The following NBEA variants were observed in gnomAD, a reference collection of about 807,000 sequenced individuals.
NBEA encodes neurobeachin, also known as lysosomal-trafficking regulator 2.
NBEA carries 44 observed loss-of-function variants against 343.4 expected under a neutral mutation model. That is an observed-to-expected ratio of 0.13 (90% CI 0.10 to 0.16). The LOEUF is 0.16. Ranked by LOEUF, NBEA falls within the 10% of genes least tolerant of loss-of-function variation. NBEA has a pLI of 1.00. For synonymous variants in NBEA, 1,175 were observed against 1,238.7 expected, an observed-to-expected ratio of 0.95 and a Z score of 1.08; for missense variants, 2,555 against 3,631.3, an observed-to-expected ratio of 0.70 and a Z score of 7.62.
chr13:34,950,169 C>A (rs2059306495), intron 1 of NBEA, among the ~76,000 whole-genome samples: 1 of 152,118 alleles, frequency 6.6e-6, no homozygotes, highest in Admixed American at 6.5e-5. Flanking sequence ...CCAACAGTAA[C>A]TGGTATTGGT....
rs556236761 is a variant in NBEA at position 34,987,421 on chromosome 13, T to A, written c.294+44307T>A. Reference sequence around the variant, plus strand: ...ACCCGACCTTTCTCTCTGGCTGCCCTTAACATTTTTTCCTTCTTTTCAACC... The same window carrying A: ...ACCCGACCTTTCTCTCTGGCTGCCCATAACATTTTTTCCTTCTTTTCAACC... On this transcript the variant is annotated intron_variant, in intron 1 of 58. Coordinates refer to ENST00000379939, the MANE Select transcript of NBEA (RefSeq NM_001385012.1). 1.6e-4 allele frequency among the ~76,000 whole-genome samples: 24 copies of A among 150,942 alleles called. 1 individual carries two copies. The highest frequency in any genetic ancestry group is 2.8e-4 in the Non-Finnish European group (19 of 67,470).
intron 38 of NBEA, among the ~76,000 whole-genome samples, chr13:35,430,003 G>C (rs907807455): frequency 5.9e-5 from 9 of 152,068 alleles, no homozygotes; most frequent in African/African-American, 2.2e-4. Context: ...TGGATCAAAT[G>C]GTAGCTCTAC....
At chr13:35,415,553 G>A (rs951182304) in intron 38 of NBEA, among the ~76,000 whole-genome samples, 6 of 152,070 alleles carry the variant, frequency 3.9e-5, no homozygotes, top group Non-Finnish European at 8.8e-5. Context: ...TAGATGTATG[G>A]TATTATTTCC....
chr13:35,543,868 C>T (rs2078945048), intron 41 of NBEA, among the ~76,000 whole-genome samples: 1 of 152,142 alleles, frequency 6.6e-6, no homozygotes, highest in Non-Finnish European at 1.5e-5. Flanking sequence ...CAGCAGGTAT[C>T]AGTCAGACAT....
chr13:35,277,994 G>A (rs2034749266), intron 34 of NBEA, among the ~76,000 whole-genome samples: 2 of 151,504 alleles, frequency 1.3e-5, no homozygotes, highest in South Asian at 2.1e-4. Flanking sequence ...GGCTGAGGCA[G>A]GAGAATTGCT....
intron 1 of NBEA, among the ~76,000 whole-genome samples, chr13:34,965,753 C>T (rs1241365590): frequency 6.6e-6 from 1 of 151,870 alleles, no homozygotes; most frequent in Admixed American, 6.6e-5. Flanking sequence ...TCCTGGATGA[C>T]AAGGGGTGGG....
intron 18 of NBEA, among the ~76,000 whole-genome samples, chr13:35,144,066 AT>A (rs1436897594): frequency 6.6e-6 from 1 of 152,160 alleles, no homozygotes; most frequent in African/African-American, 2.4e-5. Context: ...GATGTGTTCA[AT>A]TATATGAAAT....
intron 46 of NBEA, chr13:35,593,067 G>C: frequency 3.0e-6 from 1 of 335,778 alleles, no homozygotes; most frequent in East Asian, 5.1e-5. Flanking sequence ...TCAGAAAATC[G>C]TAGAGCACTG....
chr13:35,630,634 G>A (rs2083408392), intron 49 of NBEA, among the ~76,000 whole-genome samples: 1 of 152,082 alleles, frequency 6.6e-6, no homozygotes, highest in Non-Finnish European at 1.5e-5. Context: ...ACTGTGAAAT[G>A]TTATGTTCTT....
chr13:35,117,229 GTCAAAAAT>G (rs542156218), intron 13 of NBEA, among the ~76,000 whole-genome samples, 177 bp from the exon 14 acceptor site: 6 of 151,510 alleles, frequency 4.0e-5, no homozygotes, highest in Admixed American at 3.3e-4. Flanking sequence ...ATTTGAAATT[GTCAAAAAT>G]TTGAAAGTTA....
At chr13:35,196,369 A>G in intron 31 of NBEA, 67 bp downstream of exon 31, 1 of 1,397,346 alleles carries the variant, frequency 7.2e-7, no homozygotes, top group Non-Finnish European at 9.6e-7. Flanking sequence ...TGTTAATTTT[A>G]AAATATAAGG....
intron 4 of NBEA, among the ~76,000 whole-genome samples, chr13:35,046,707 G>GTCTCCCTGCCTCCCCTCCTTCTTTGTC (rs1422944287): frequency 2.6e-5 from 4 of 152,020 alleles, no homozygotes; most frequent in African/African-American, 9.7e-5. Context: ...TGAGTGTTGT[G>GTCTCCCTGCCTCCCCTCCTTCTTTGTC]TCTCCCTGCC....
chr13:35,083,434 A>T (rs1566257061), intron 10 of NBEA, among the ~76,000 whole-genome samples: 2 of 152,164 alleles, frequency 1.3e-5, no homozygotes, highest in African/African-American at 4.8e-5. Context: ...TACAAGCCAG[A>T]AGAGAGTGGG....
At chr13:35,346,386 T>G (rs909879873) in intron 36 of NBEA, among the ~76,000 whole-genome samples, 1 of 152,142 alleles carries the variant, frequency 6.6e-6, no homozygotes, top group Non-Finnish European at 1.5e-5. Flanking sequence ...CTACAAAATG[T>G]AGGCTGATAA....
intron 44 of NBEA, among the ~76,000 whole-genome samples, chr13:35,565,062 G>A (rs9544663): frequency 0.55 from 82,986 of 151,964 alleles, 23,182 homozygotes; most frequent in East Asian, 0.85. Context: ...TATATCAGGT[G>A]TAATAGAGGT....
intron 8 of NBEA, among the ~76,000 whole-genome samples, chr13:35,061,783 C>T (rs1246702473): frequency 1.3e-5 from 2 of 151,664 alleles, no homozygotes; most frequent in Non-Finnish European, 3.0e-5. Flanking sequence ...CTGATCTTCT[C>T]ACAAATAACC....
At position 34,942,643 on chromosome 13, in the gene NBEA, G is replaced by C. The variant is rs1425486527; in HGVS notation, c.-178G>C. 2.8e-6 allele frequency: 1 copy of C among 359,596 alleles called. No individual in the cohort carries two copies. The highest frequency in any genetic ancestry group is 4.8e-6 in the Non-Finnish European group (1 of 207,076). 22.3% of individuals were successfully genotyped at this position (359,596 alleles called of 1,614,324 possible). ...CCTGCGGATCCCCCGCCGCCTCCGC[G>C]GGGGAGAGCGCCGGAGCGGGCCGGG... On this transcript the variant is annotated 5_prime_UTR_variant, in exon 1 of 59. Transcript: ENST00000379939.
At chr13:35,510,122 G>A (rs961061237) in intron 41 of NBEA, among the ~76,000 whole-genome samples, 1 of 152,118 alleles carries the variant, frequency 6.6e-6, no homozygotes, top group African/African-American at 2.4e-5. Context: ...TGTATCAGAG[G>A]TGACTCCAGA....
At chr13:35,473,221 G>T (rs2075730921) in intron 41 of NBEA, among the ~76,000 whole-genome samples, 2 of 152,088 alleles carry the variant, frequency 1.3e-5, no homozygotes, top group African/African-American at 4.8e-5. Flanking sequence ...CTCTTTCTCA[G>T]CATTTTCTGA....
Sources: gnomAD v4.1 joint callset for allele counts (sites outside exome capture counted in the v4.1 genomes callset) on GRCh38, gnomAD v4.1.1 for gene constraint, MANE v1.5 for transcripts, NCBI Gene and HGNC (gene_info 2026-07-23, HGNC 2026-07-21) for gene names.